The following RPRD1A variants were observed in gnomAD, a reference collection of about 807,000 sequenced individuals.
RPRD1A encodes the protein regulation of nuclear pre-mRNA domain-containing protein 1A.
In RPRD1A, 9 loss-of-function variants were observed where a neutral mutation model predicts 37.8. That is an observed-to-expected ratio of 0.24 (90% CI 0.14 to 0.42). The LOEUF is 0.42. Ranked by LOEUF, RPRD1A falls within the 10% of genes least tolerant of loss-of-function variation. RPRD1A has a pLI of 1.00. For synonymous variants in RPRD1A, 138 were observed against 139.7 expected (o/e 0.99, Z 0.08); for missense variants, 255 against 371.0 (o/e 0.69, Z 2.57).
chr18:36,054,051 G>A (rs1174979877), intron 1 of RPRD1A, among the ~76,000 whole-genome samples: 1 of 152,142 alleles, frequency 6.6e-6, no homozygotes. Flanking sequence ...AGTTTGGGAT[G>A]TTTAGGAAAT....
intron 6 of RPRD1A, among the ~76,000 whole-genome samples, chr18:35,997,376 C>A (rs1004465269): frequency 6.6e-6 from 1 of 152,030 alleles, no homozygotes; most frequent in East Asian, 1.9e-4. Flanking sequence ...TTTAAAAAAA[C>A]TGATGAATGA....
At chr18:36,046,623 G>C (rs1356154066) in intron 1 of RPRD1A, among the ~76,000 whole-genome samples, 1 of 151,804 alleles carries the variant, frequency 6.6e-6, no homozygotes, top group Non-Finnish European at 1.5e-5. Context: ...TTGAGGTCAG[G>C]AGTTCAAGGC....
Position 35,999,905 on chromosome 18 carries a change from T to C in RPRD1A, c.790-6605A>G, listed in dbSNP as rs114431136. Among the ~76,000 whole-genome samples, 532 of 152,358 alleles carry C rather than the reference T, an allele frequency of 3.5e-3. 6 individuals carry two copies. Among genetic ancestry groups the C allele is most frequent in the African/African-American group, 0.012 (508 of 41,598 alleles). ...GTATTTCTTAAGCCACTGCCTTCAA[T>C]AGAACTATTAAGAAGCTTCAGTTCT... On this transcript the variant is annotated intron_variant, in intron 6 of 6. Transcript: ENST00000399022.
At chr18:36,035,963 G>C (rs543005893) in intron 1 of RPRD1A, among the ~76,000 whole-genome samples, 2 of 152,196 alleles carry the variant, frequency 1.3e-5, no homozygotes, top group Admixed American at 1.3e-4. Context: ...TTATTCATGG[G>C]TACAGAGTCT....
chr18:36,024,313 ATTTT>A (rs781696260), intron 6 of RPRD1A, among the ~76,000 whole-genome samples: 1 of 126,564 alleles, frequency 7.9e-6, no homozygotes, highest in Admixed American at 7.9e-5. Context: ...CACCTGGTTA[ATTTT>A]TTTTTTTTTT....
At chr18:36,002,444 C>G (rs1464425832) in intron 6 of RPRD1A, among the ~76,000 whole-genome samples, 1 of 152,166 alleles carries the variant, frequency 6.6e-6, no homozygotes, top group African/African-American at 2.4e-5. Context: ...CAGTCTCACT[C>G]TGTCACCCAG....
chr18:36,055,902 C>T (rs2144399308), intron 1 of RPRD1A, among the ~76,000 whole-genome samples: 1 of 152,224 alleles, frequency 6.6e-6, no homozygotes, highest in East Asian at 1.9e-4. Context: ...CACAGAAAAA[C>T]TTAAGGTAGC....
chr18:36,022,603 G>T (rs1480125472), intron 6 of RPRD1A, among the ~76,000 whole-genome samples: 1 of 152,228 alleles, frequency 6.6e-6, no homozygotes, highest in African/African-American at 2.4e-5. Flanking sequence ...AACAAGTATA[G>T]ATGACAATAC....
At chr18:36,051,048 T>C (rs1913354066) in intron 1 of RPRD1A, among the ~76,000 whole-genome samples, 1 of 151,564 alleles carries the variant, frequency 6.6e-6, no homozygotes, top group Non-Finnish European at 1.5e-5. Flanking sequence ...ACTTAGGGAG[T>C]TGGTGGTCTT....
chr18:35,996,609 A>C (rs1010582645), intron 6 of RPRD1A, among the ~76,000 whole-genome samples: 4 of 152,216 alleles, frequency 2.6e-5, no homozygotes, highest in African/African-American at 9.7e-5. Context: ...TTGCTATTCA[A>C]AAAGATACAA....
chr18:36,031,211 A>T (rs1350508296), intron 2 of RPRD1A, 114 bp from the exon 3 acceptor site: 1 of 1,305,066 alleles, frequency 7.7e-7, no homozygotes, highest in Non-Finnish European at 1.0e-6. Context: ...CCTGGAAAAA[A>T]CTGTCCAAAT....
chr18:36,027,713 G>T (rs1045668893), intron 4 of RPRD1A: 1 of 155,220 alleles, frequency 6.4e-6, no homozygotes, highest in African/African-American at 2.4e-5. Flanking sequence ...TACACTAGAA[G>T]TTTTTTTAGT....
intron 1 of RPRD1A, among the ~76,000 whole-genome samples, chr18:36,067,045 CTTTTTT>C (rs1442956240): frequency 6.6e-6 from 1 of 152,200 alleles, no homozygotes; most frequent in African/African-American, 2.4e-5. Flanking sequence ...CCGGAGTTTT[CTTTTTT>C]AATTATTCAT....
intron 1 of RPRD1A, among the ~76,000 whole-genome samples, chr18:36,046,979 G>A (rs929488972): frequency 1.3e-5 from 2 of 151,822 alleles, no homozygotes; most frequent in Non-Finnish European, 2.9e-5. Context: ...ACAAAGTAGA[G>A]ATGTTAAAAT....
intron 1 of RPRD1A, among the ~76,000 whole-genome samples, chr18:36,059,203 T>C (rs1038396069): frequency 2.0e-5 from 3 of 152,106 alleles, no homozygotes; most frequent in Non-Finnish European, 4.4e-5. Flanking sequence ...CTTGGAGTAA[T>C]CTCAGCTCAC....
intron 6 of RPRD1A, chr18:36,025,594 G>T: frequency 1.6e-6 from 2 of 1,272,800 alleles, no homozygotes; most frequent in Non-Finnish European, 2.0e-6. Flanking sequence ...AGACAATACA[G>T]GCTTCAGGGT....
intron 1 of RPRD1A, among the ~76,000 whole-genome samples, chr18:36,043,617 A>T (rs540895726): frequency 1.3e-5 from 2 of 152,326 alleles, no homozygotes; most frequent in Admixed American, 1.3e-4. Context: ...ACAGTTATGG[A>T]AGAATATACA....
intron 1 of RPRD1A, among the ~76,000 whole-genome samples, chr18:36,044,232 C>T (rs1306693943): frequency 6.6e-6 from 1 of 152,098 alleles, no homozygotes; most frequent in Non-Finnish European, 1.5e-5. Flanking sequence ...AAGGCAGACA[C>T]ACTCATGTAA....
chr18:36,054,090 A>C (rs907527632), intron 1 of RPRD1A, among the ~76,000 whole-genome samples: 3 of 152,226 alleles, frequency 2.0e-5, no homozygotes, highest in Non-Finnish European at 4.4e-5. Flanking sequence ...GACTGGGGCT[A>C]CAAAAAAAGA....
Sources: gnomAD v4.1 joint callset for allele counts (sites outside exome capture counted in the v4.1 genomes callset) on GRCh38, gnomAD v4.1.1 for gene constraint, MANE v1.5 for transcripts, NCBI Gene and HGNC (gene_info 2026-07-23, HGNC 2026-07-21) for gene names.